DLGAP2: variants seen among roughly 807,000 people sequenced by gnomAD.
DLGAP2 encodes disks large-associated protein 2.
In DLGAP2, 26 loss-of-function variants were observed where a neutral mutation model predicts 100.3. The ratio of observed to expected loss-of-function variants is 0.26; its 90% confidence interval spans 0.19 to 0.36. DLGAP2 has a LOEUF of 0.36. Among genes scored for constraint, DLGAP2 ranks in the 10% least tolerant of loss-of-function variants. The pLI, the probability that DLGAP2 is intolerant of heterozygous loss-of-function variation, is 1.00. For missense variants in DLGAP2, 1,858 were observed against 1,453.2 expected (o/e 1.28, Z -4.53); for synonymous variants, 886 against 630.1 (o/e 1.41, Z -6.08).
intron 3 of DLGAP2, among the ~76,000 whole-genome samples, chr8:1,365,758 G>A (rs1381287168): frequency 3.9e-5 from 6 of 152,342 alleles, no homozygotes; most frequent in Admixed American, 1.3e-4. Flanking sequence ...TGAGGCCCAC[G>A]CGGAGGGCGA....
chr8:1,512,431 G>A (rs1224495392), intron 4 of DLGAP2, among the ~76,000 whole-genome samples: 1 of 152,164 alleles, frequency 6.6e-6, no homozygotes, highest in Admixed American at 6.5e-5. Context: ...GCCAGCGTGG[G>A]TGTCAGCCGT....
At chr8:1,270,980 G>T (rs1312974661) in intron 3 of DLGAP2, among the ~76,000 whole-genome samples, 2 of 152,158 alleles carry the variant, frequency 1.3e-5, no homozygotes, top group Non-Finnish European at 2.9e-5. Context: ...TTGCAAAAAG[G>T]TAGATGGGAA....
At chr8:1,175,587 A>G (rs1797235260) in intron 2 of DLGAP2, among the ~76,000 whole-genome samples, 1 of 152,220 alleles carries the variant, frequency 6.6e-6, no homozygotes, top group Non-Finnish European at 1.5e-5. Flanking sequence ...GGACAGTAGG[A>G]ACATGACTAA....
intron 10 of DLGAP2, among the ~76,000 whole-genome samples, chr8:1,670,843 C>G (rs1338553975): frequency 6.6e-6 from 1 of 152,180 alleles, no homozygotes; most frequent in Non-Finnish European, 1.5e-5. Context: ...AGAATTGAAG[C>G]CACTGCAGGA....
chr8:1,361,895 C>A (rs1348319414), intron 3 of DLGAP2, among the ~76,000 whole-genome samples: 1 of 152,214 alleles, frequency 6.6e-6, no homozygotes, highest in East Asian at 1.9e-4. Context: ...GTTCTGTGCT[C>A]TCCTGGGCAC....
intron 2 of DLGAP2, among the ~76,000 whole-genome samples, chr8:1,073,875 T>C (rs1224471010): frequency 1.3e-5 from 2 of 152,228 alleles, no homozygotes; most frequent in Admixed American, 6.5e-5. Flanking sequence ...TTTTGTACAT[T>C]TACCTTCAGA....
At chr8:1,602,691 C>A (rs1272147733) in intron 6 of DLGAP2, among the ~76,000 whole-genome samples, 1 of 152,222 alleles carries the variant, frequency 6.6e-6, no homozygotes, top group Non-Finnish European at 1.5e-5. Flanking sequence ...GGAGTGACAG[C>A]AGTTTATTCA....
chr8:1,430,006 A>ATATAT (rs1491441545), intron 3 of DLGAP2, among the ~76,000 whole-genome samples: 1 of 71,062 alleles, frequency 1.4e-5, no homozygotes, highest in Non-Finnish European at 2.6e-5. Context: ...GCATATATAT[A>ATATAT]CATATATATA....
At chr8:1,551,065 A>T (rs1338373879) in intron 5 of DLGAP2, among the ~76,000 whole-genome samples, 2 of 152,246 alleles carry the variant, frequency 1.3e-5, no homozygotes, top group Admixed American at 6.5e-5. Flanking sequence ...CGTCACCATC[A>T]GGTCCAGCGT....
chr8:1,433,175 G>GC (rs1249174544), intron 3 of DLGAP2, among the ~76,000 whole-genome samples: 1 of 152,230 alleles, frequency 6.6e-6, no homozygotes, highest in African/African-American at 2.4e-5. Flanking sequence ...CCAGGAACGT[G>GC]CGGGACTTGG....
At chr8:1,278,820 A>G (rs774763367) in intron 3 of DLGAP2, among the ~76,000 whole-genome samples, 7 of 152,236 alleles carry the variant, frequency 4.6e-5, no homozygotes, top group East Asian at 1.9e-4. Flanking sequence ...TTGGTTAAAC[A>G]TAAGCATTTC....
chr8:1,543,939 G>A (rs1801448270), intron 4 of DLGAP2, among the ~76,000 whole-genome samples: 1 of 151,228 alleles, frequency 6.6e-6, no homozygotes, highest in Non-Finnish European at 1.5e-5. Flanking sequence ...GTCTCACTCT[G>A]ACACTTAGGC....
At chr8:1,036,009 C>T (rs1237775472) in intron 2 of DLGAP2, among the ~76,000 whole-genome samples, 1 of 115,112 alleles carries the variant, frequency 8.7e-6, no homozygotes, top group Non-Finnish European at 1.9e-5. Context: ...ACGCTCATCC[C>T]GACCCCGCGT....
intron 2 of DLGAP2, among the ~76,000 whole-genome samples, chr8:1,050,830 A>G (rs1802657176): frequency 6.6e-6 from 1 of 152,030 alleles, no homozygotes; most frequent in Non-Finnish European, 1.5e-5. Flanking sequence ...AAGGACCTGA[A>G]TTTTTTACGT....
At chr8:969,745 A>G (rs1024502987) in intron 2 of DLGAP2, among the ~76,000 whole-genome samples, 5 of 152,042 alleles carry the variant, frequency 3.3e-5, no homozygotes, top group Middle Eastern at 3.2e-3. Context: ...GGTGGCTTGG[A>G]GGGAGCCTGG....
chr8:742,834 C>T (rs192729651), intron 1 of DLGAP2, among the ~76,000 whole-genome samples: 3 of 152,156 alleles, frequency 2.0e-5, no homozygotes, highest in East Asian at 1.9e-4. Context: ...TTGACCTCAC[C>T]GTATTTCAGT....
At position 1,703,059 on chromosome 8, in the gene DLGAP2, C is replaced by A. The variant is rs3209231; in HGVS notation, c.*1653C>A. On this transcript the variant is annotated 3_prime_UTR_variant, in exon 15 of 15. Coordinates refer to ENST00000637795, the MANE Select transcript of DLGAP2 (RefSeq NM_001346810.2). ...TTGGCCCCCAGCGCGCCCTCCAGAG[C>A]TGCGGTGTCTCCCTGCCTCATTCCC... The A allele has an allele frequency of 0.016, 2,468 of 152,814 alleles. 27 individuals carry two copies. Among genetic ancestry groups the A allele is most frequent in the Non-Finnish European group, 0.025 (1,692 of 68,066 alleles). The allele number at this position is 152,814 out of a possible 1,614,324, so 9.5% of individuals were successfully genotyped here.
chr8:1,592,744 G>T (rs1398149566), intron 6 of DLGAP2, among the ~76,000 whole-genome samples: 1 of 151,966 alleles, frequency 6.6e-6, no homozygotes, highest in Non-Finnish European at 1.5e-5. Flanking sequence ...ATTAAATTAT[G>T]ACCTCCTCAA....
chr8:1,454,545 G>A (rs1051773588), intron 3 of DLGAP2, among the ~76,000 whole-genome samples: 1 of 152,090 alleles, frequency 6.6e-6, no homozygotes, highest in Non-Finnish European at 1.5e-5. Flanking sequence ...CTCCTGGGTG[G>A]GTTGAAATCG....
Sources: gnomAD v4.1 joint callset for allele counts (sites outside exome capture counted in the v4.1 genomes callset) on GRCh38, gnomAD v4.1.1 for gene constraint, MANE v1.5 for transcripts, NCBI Gene and HGNC (gene_info 2026-07-23, HGNC 2026-07-21) for gene names.